The following RYR2 variants were observed in gnomAD, a reference collection of about 807,000 sequenced individuals.
RYR2 encodes the protein ryanodine receptor 2.
RYR2 carries 227 observed loss-of-function variants against 601.1 expected under a neutral mutation model. The ratio of observed to expected loss-of-function variants is 0.38; its 90% CI spans 0.34 to 0.42. RYR2 has a LOEUF of 0.42. Among genes scored for constraint, RYR2 ranks in the 10% least tolerant of loss-of-function variants. The pLI is 1.00. For missense variants in RYR2, 4,646 were observed against 6,156.5 expected (o/e 0.75, Z 8.21); for synonymous variants, 2,223 against 2,175.1 (o/e 1.02, Z -0.61).
At chr1:237,326,848 G>A (rs1255331665) in intron 2 of RYR2, among the ~76,000 whole-genome samples, 1 of 152,056 alleles carries the variant, frequency 6.6e-6, no homozygotes, top group Non-Finnish European at 1.5e-5. Flanking sequence ...ATTTTGGTTC[G>A]GGGCCATTTA....
intron 29 of RYR2, among the ~76,000 whole-genome samples, chr1:237,588,246 A>C (rs1313317915): frequency 6.6e-6 from 1 of 152,130 alleles, no homozygotes; most frequent in East Asian, 1.9e-4. Context: ...ATATGACTAT[A>C]TGTTGCTGCA....
chr1:237,148,229 C>T (rs2485581), intron 1 of RYR2, among the ~76,000 whole-genome samples: 2 of 151,942 alleles, frequency 1.3e-5, no homozygotes, highest in East Asian at 1.9e-4. Flanking sequence ...GATTGGTTTT[C>T]ACTGAAATAC....
intron 10 of RYR2, among the ~76,000 whole-genome samples, chr1:237,401,001 T>C (rs891591170): frequency 2.6e-5 from 4 of 152,152 alleles, no homozygotes; most frequent in Non-Finnish European, 5.9e-5. Flanking sequence ...ATCCCTAAAA[T>C]AATTGTGATC....
At chr1:237,508,829 G>A (rs1195586049) in intron 23 of RYR2, among the ~76,000 whole-genome samples, 11 of 127,986 alleles carry the variant, frequency 8.6e-5, no homozygotes, top group Non-Finnish European at 1.4e-4. Context: ...TGCAAGCTCC[G>A]CCTCCCGGGT....
intron 100 of RYR2, among the ~76,000 whole-genome samples, chr1:237,810,186 A>T (rs1558465165): frequency 6.6e-6 from 1 of 152,072 alleles, no homozygotes; most frequent in Non-Finnish European, 1.5e-5. Context: ...AACTATAAAT[A>T]AAGTCGTAAA....
intron 51 of RYR2, among the ~76,000 whole-genome samples, chr1:237,651,924 T>C (rs1682793530): frequency 6.6e-6 from 1 of 151,904 alleles, no homozygotes; most frequent in Admixed American, 6.6e-5. Flanking sequence ...GTAGGCCCAG[T>C]TACGTGGAAG....
chr1:237,722,978 C>T lies in RYR2; in HGVS notation c.10555-150C>T. 3 of 615,150 alleles carry T rather than the reference C, an allele frequency of 4.9e-6. No individual in the cohort carries two copies. In the East Asian group the frequency reaches 7.8e-5, roughly 16 times the overall value. 38.1% of individuals were successfully genotyped at this position (615,150 alleles called of 1,614,324 possible). A position where few individuals can be genotyped will look rare whatever the true frequency, so the allele number is the denominator to read the frequency against. ...ACATTAGATCTCCAGACCTGTTCATCCTACATAACTGCAGCTGCGCGTCAT... is the reference window on the plus strand; with the variant it reads ...ACATTAGATCTCCAGACCTGTTCATTCTACATAACTGCAGCTGCGCGTCAT... On this transcript the variant is annotated intron_variant, in intron 73 of 104. Coordinates refer to ENST00000366574, the MANE Select transcript of RYR2 (RefSeq NM_001035.3).
At chr1:237,162,938 G>A (rs527891907) in intron 1 of RYR2, among the ~76,000 whole-genome samples, 1 of 152,000 alleles carries the variant, frequency 6.6e-6, no homozygotes, top group African/African-American at 2.4e-5. Context: ...AGGGAAAGAG[G>A]CTTCATCTCT....
rs531321568 is a variant in RYR2, at chr1:237,403,486, A to G, written c.774-13563A>G. On this transcript the variant is annotated intron_variant, in intron 10 of 104. Transcript: ENST00000366574. Reference sequence around the variant, plus strand: ...CCGGCTAGAGTGCAGTGGTGTGATCATGGTTCACTGCAGCCTCAACCCCCT... The same window carrying G: ...CCGGCTAGAGTGCAGTGGTGTGATCGTGGTTCACTGCAGCCTCAACCCCCT... Among the ~76,000 whole-genome samples, 391 of 152,262 alleles carry G rather than the reference A, an allele frequency of 2.6e-3. 1 individual carries two copies. Among genetic ancestry groups the G allele is most frequent in the Non-Finnish European group, 4.0e-3 (275 of 68,020 alleles).
chr1:237,518,276 T>C lies in RYR2; in HGVS notation c.2822+6485T>C, dbSNP rs1666757658. Among the ~76,000 whole-genome samples, 3 of 152,250 alleles carry C rather than the reference T, an allele frequency of 2.0e-5. No individual in the cohort carries two copies. The South Asian group carries it at 6.2e-4, about 32-fold the overall frequency. ...TGTTTTTTTTTGCCTTTTTAAAAAT[T>C]GTACAAATTTACAGGGTACATGTGC... On this transcript the variant is annotated intron_variant, in intron 24 of 104. Coordinates refer to ENST00000366574, the MANE Select transcript of RYR2 (RefSeq NM_001035.3).
intron 8 of RYR2, among the ~76,000 whole-genome samples, chr1:237,382,757 G>T (rs1701638185): frequency 6.6e-6 from 1 of 152,106 alleles, no homozygotes; most frequent in Admixed American, 6.6e-5. Flanking sequence ...AATGATAAAA[G>T]AGTGATCATA....
intron 37 of RYR2, among the ~76,000 whole-genome samples, chr1:237,616,785 A>G (rs1215803894): frequency 6.6e-6 from 1 of 152,224 alleles, no homozygotes; most frequent in Non-Finnish European, 1.5e-5. Flanking sequence ...GAAAAGGTTT[A>G]ATGGACTCAC....
At chr1:237,280,781 G>GTTTT (rs35115328) in intron 2 of RYR2, among the ~76,000 whole-genome samples, 4 of 143,662 alleles carry the variant, frequency 2.8e-5, no homozygotes, top group Non-Finnish European at 1.5e-5. Context: ...CTTCTTACTG[G>GTTTT]TTTTTTTTTT....
intron 1 of RYR2, among the ~76,000 whole-genome samples, chr1:237,150,155 A>G (rs534092939): frequency 6.6e-6 from 1 of 152,298 alleles, no homozygotes; most frequent in Non-Finnish European, 1.5e-5. Flanking sequence ...GGGTTTGGAA[A>G]TCTTAAATAA....
intron 8 of RYR2, among the ~76,000 whole-genome samples, chr1:237,381,083 GA>G (rs1269115067): frequency 6.7e-6 from 1 of 150,274 alleles, no homozygotes; most frequent in East Asian, 2.0e-4. Flanking sequence ...CATCTCAAAA[GA>G]AAAAAAAGAA....
chr1:237,072,040 G>T (rs1055688716), intron 1 of RYR2, among the ~76,000 whole-genome samples: 11 of 152,364 alleles, frequency 7.2e-5, no homozygotes, highest in Non-Finnish European at 1.0e-4. Context: ...CCCTGCTGGG[G>T]GAAGAGGGTG....
At chr1:237,247,573 A>C (rs1402022157) in intron 1 of RYR2, among the ~76,000 whole-genome samples, 2 of 152,152 alleles carry the variant, frequency 1.3e-5, no homozygotes, top group Admixed American at 1.3e-4. Flanking sequence ...TTTTAGATTG[A>C]TTAAGAAAAG....
intron 49 of RYR2, 40 bp from the exon 50 acceptor site, chr1:237,649,837 C>A (rs1397893533): frequency 6.3e-7 from 1 of 1,577,460 alleles, no homozygotes; most frequent in South Asian, 1.1e-5. Context: ...TTATCTACTG[C>A]CAAACACAAA....
chr1:237,722,827 C>A (rs1463182998), intron 73 of RYR2, among the ~76,000 whole-genome samples: 1 of 152,266 alleles, frequency 6.6e-6, no homozygotes, highest in African/African-American at 2.4e-5. Context: ...TGTAGTCAGA[C>A]AAATTAGCAT....
Sources: gnomAD v4.1 joint callset for allele counts (sites outside exome capture counted in the v4.1 genomes callset) on GRCh38, gnomAD v4.1.1 for gene constraint, MANE v1.5 for transcripts, NCBI Gene and HGNC (gene_info 2026-07-23, HGNC 2026-07-21) for gene names.